The following MYO5C variants were observed in gnomAD, a reference collection of about 807,000 sequenced individuals.
The protein encoded by MYO5C is unconventional myosin-Vc.
Under a neutral mutation model 235.7 loss-of-function variants are expected in MYO5C, and 194 were observed. The observed-to-expected ratio is 0.82, with a 90% CI of 0.73 to 0.93. The LOEUF is 0.93. Among genes scored for constraint, MYO5C ranks in the 40% least tolerant of loss-of-function variants. The pLI is 0.00. For synonymous variants in MYO5C, 707 were observed against 754.8 expected (o/e 0.94, Z 1.04); for missense variants, 2,038 against 2,127.2 (o/e 0.96, Z 0.82).
chr15:52,256,531 A>G (rs2036581940), intron 11 of MYO5C, 108 bp downstream of exon 11: 1 of 778,776 alleles, frequency 1.3e-6, no homozygotes, highest in Non-Finnish European at 2.1e-6. Flanking sequence ...AAAATTTGCA[A>G]CCTCAAGAAA....
chr15:52,227,356 G>T (rs1386190721), intron 25 of MYO5C, among the ~76,000 whole-genome samples: 1 of 140,366 alleles, frequency 7.1e-6, no homozygotes, highest in Admixed American at 7.0e-5. Context: ...TACCTCGCCC[G>T]GCTAATTTTT....
rs986542057 is a variant in MYO5C at position 52,269,113 on chromosome 15, G to A, written c.940+640C>T. Among the ~76,000 whole-genome samples the A allele has an allele frequency of 2.0e-5, 3 of 152,178 alleles. No homozygotes were observed. In the East Asian group the frequency reaches 5.8e-4, roughly 29 times the overall value. Reference sequence around the variant, plus strand: ...CCTATGAAGGCCACAGAGGGCCAACGTTCCACTTCTGAACCGAATTGGACC... The same window carrying A: ...CCTATGAAGGCCACAGAGGGCCAACATTCCACTTCTGAACCGAATTGGACC... On this transcript the variant is annotated intron_variant, in intron 8 of 40. Coordinates refer to ENST00000261839, the MANE Select transcript of MYO5C (RefSeq NM_018728.4).
chr15:52,295,316 G>A (rs1383269765), intron 1 of MYO5C, among the ~76,000 whole-genome samples: 1 of 152,182 alleles, frequency 6.6e-6, no homozygotes, highest in Non-Finnish European at 1.5e-5. Flanking sequence ...GGAGGGGGCG[G>A]CCCCTCCCAC....
rs2036931235 is a variant in MYO5C, at chr15:52,271,813, T to C, written c.782A>G (p.Tyr261Cys). 3.1e-6 allele frequency: 5 copies of C among 1,587,578 alleles called. No individual in the cohort carries two copies. Among genetic ancestry groups the C allele is most frequent in the South Asian group, 2.3e-5 (2 of 87,784 alleles). Residue 261 changes from tyrosine to cysteine, a missense_variant, in exon 7 of 41, where the codon TAT becomes TGT. Physicochemically the swap from Tyr to Cys is radical, Grantham distance 194. Transcript: ENST00000261839. Reference protein sequence around the residue: ...SENERNYHIFYQLCASAQQSE... With the variant: ...SENERNYHIFCQLCASAQQSE... ...CTGCTGTGCAGATGCACAAAGCTGA[T>C]AGAAAATGTGGTAATTTCGTTCATT...
At chr15:52,259,099 C>T (rs903415956) in intron 10 of MYO5C, among the ~76,000 whole-genome samples, 6 of 152,154 alleles carry the variant, frequency 3.9e-5, no homozygotes, top group Admixed American at 3.9e-4. Context: ...AACACAGTGC[C>T]TGGGACATAA....
chr15:52,223,310 CACAG>C (rs1369489357), intron 29 of MYO5C, among the ~76,000 whole-genome samples: 6 of 152,212 alleles, frequency 3.9e-5, no homozygotes, highest in Non-Finnish European at 5.9e-5. Flanking sequence ...TACGCGCACA[CACAG>C]ACAATCACAG....
chr15:52,236,461 G>A (rs1033031412), intron 22 of MYO5C, among the ~76,000 whole-genome samples: 1 of 152,192 alleles, frequency 6.6e-6, no homozygotes, highest in African/African-American at 2.4e-5. Flanking sequence ...GATCACTGGA[G>A]GTCAGGAGTT....
intron 7 of MYO5C, among the ~76,000 whole-genome samples, chr15:52,270,424 G>A (rs1290517131): frequency 1.3e-5 from 2 of 152,088 alleles, no homozygotes; most frequent in Non-Finnish European, 2.9e-5. Flanking sequence ...CATGGTTTTT[G>A]TTCCTGCACC....
chr15:52,285,672 T>C (rs1209623156), intron 1 of MYO5C, among the ~76,000 whole-genome samples: 1 of 152,268 alleles, frequency 6.6e-6, no homozygotes, highest in Middle Eastern at 3.2e-3. Context: ...AGTTTCGCTG[T>C]GTTGGCCGGG....
At position 52,237,908 on chromosome 15, in the gene MYO5C, T is replaced by C. The variant is rs78562810; in HGVS notation, c.2704-262A>G. On this transcript the variant is annotated intron_variant, in intron 21 of 40. Transcript: ENST00000261839. ...CTGGCAAACCAGGACAACCCTAGTG[T>C]TATGAACTGTGCCCCCCGCCAAAAT... Among the ~76,000 whole-genome samples, 314 of 151,502 alleles carry C rather than the reference T, an allele frequency of 2.1e-3. 6 individuals are homozygous for C. Among genetic ancestry groups the C allele is most frequent in the East Asian group, 0.014 (71 of 5,080 alleles).
chr15:52,253,187 G>T, intron 12 of MYO5C, 130 bp downstream of exon 12: 1 of 959,006 alleles, frequency 1.0e-6, no homozygotes, highest in Non-Finnish European at 1.6e-6. Flanking sequence ...TGCTGTCCCA[G>T]CATTAATATC....
rs986107919 is a variant in MYO5C, at chr15:52,193,642, T to G, written c.*260A>C. On this transcript the variant is annotated 3_prime_UTR_variant, in exon 41 of 41. Transcript: ENST00000261839. Reference sequence around the variant, plus strand: ...GGCACGTGGAAGAAAATATGAGCCCTCCAGGAATTTCAGTGAAAACCAGCT... The same window carrying G: ...GGCACGTGGAAGAAAATATGAGCCCGCCAGGAATTTCAGTGAAAACCAGCT... 1.2e-5 allele frequency: 5 copies of G among 412,860 alleles called. No individual in the cohort carries two copies. Among genetic ancestry groups the G allele is most frequent in the African/African-American group, 1.1e-4 (5 of 47,372 alleles). 25.6% of individuals were successfully genotyped at this position (412,860 alleles called of 1,614,324 possible).
chr15:52,264,257 A>G lies in MYO5C; in HGVS notation c.980T>C (p.Leu327Pro), dbSNP rs1166069535. 8 of 1,614,118 alleles carry G rather than the reference A, an allele frequency of 5.0e-6. No homozygotes were observed. In the African/African-American group the frequency reaches 1.1e-4, roughly 22 times the overall value. ...EDFQMDVFKI[L>P]AAILHLGNVQ... The stretch of plus-strand genomic sequence containing the variant: ...ATTGCCCAGATGTAGGATGGCTGCC[A>G]GGATTTTAAAAACGTCCATCTGAAA... Residue 327 changes from leucine to proline, a missense_variant, in exon 9 of 41, where the codon CTG (leucine) becomes CCG (proline). Coordinates refer to ENST00000261839, the MANE Select transcript of MYO5C (RefSeq NM_018728.4).
rs188352676 is a variant in MYO5C, at chr15:52,194,717, C to T, written c.5076+660G>A. 2.8e-3 allele frequency among the ~76,000 whole-genome samples: 420 copies of T among 151,110 alleles called. 1 individual carries two copies. Among genetic ancestry groups the T allele is most frequent in the Middle Eastern group, 7.0e-3 (2 of 286 alleles). ...GACTTAATATATTATCATATATAAC[C>T]ATATATTATATACGCCATATTTTAA... On this transcript the variant is annotated intron_variant, in intron 40 of 40. Coordinates refer to ENST00000261839, the MANE Select transcript of MYO5C (RefSeq NM_018728.4).
rs529079020 is a variant in MYO5C, at chr15:52,278,275, G to T, written c.449+598C>A. ...CTGCCTTTTACTTGCTGCCTACCCT[G>T]GGTTGGTTATTCCCTGAAGCTGTTT... On this transcript the variant is annotated intron_variant, in intron 4 of 40. Coordinates refer to ENST00000261839, the MANE Select transcript of MYO5C (RefSeq NM_018728.4). 3.3e-5 allele frequency among the ~76,000 whole-genome samples: 5 copies of T among 152,256 alleles called. No homozygotes were observed. The South Asian group carries it at 1.0e-3, about 32-fold the overall frequency.
intron 11 of MYO5C, among the ~76,000 whole-genome samples, chr15:52,254,866 G>C (rs1018788391): frequency 1.3e-5 from 2 of 152,106 alleles, no homozygotes; most frequent in Non-Finnish European, 2.9e-5. Flanking sequence ...TTTGACTTCA[G>C]GTGAGTTATA....
Position 52,242,151 on chromosome 15 carries a change from C to T in MYO5C, c.2453G>A (p.Cys818Tyr), listed in dbSNP as rs778951391. The T allele has an allele frequency of 6.2e-7, 1 of 1,614,164 alleles. No homozygotes were observed. Among genetic ancestry groups the T allele is most frequent in the Non-Finnish European group, 8.5e-7 (1 of 1,180,004 alleles). Residue 818 changes from cysteine to tyrosine, a missense_variant, in exon 20 of 41, where the codon TGC (cysteine) becomes TAC (tyrosine). Physicochemically the swap from Cys to Tyr is radical, Grantham distance 194. Coordinates refer to ENST00000261839, the MANE Select transcript of MYO5C (RefSeq NM_018728.4). The part of the protein sequence containing the change: ...AWAAIIIQKH[C>Y]RGYLVRSLYQ... ...CAGGCTGCGAACAAGATACCCGCGG[C>T]AGTGCTTCTGAATGATTATGGCTGC... is the stretch of plus-strand genomic sequence containing the variant.
intron 17 of MYO5C, 132 bp downstream of exon 17, chr15:52,245,824 G>A: frequency 1.3e-6 from 1 of 773,126 alleles, no homozygotes; most frequent in East Asian, 2.7e-5. Flanking sequence ...CCACAGGGCA[G>A]TGGGAAAATC....
intron 4 of MYO5C, 147 bp downstream of exon 4, chr15:52,278,726 T>A: frequency 1.1e-6 from 1 of 907,856 alleles, no homozygotes; most frequent in Non-Finnish European, 1.7e-6. Context: ...TTGCTATTCA[T>A]TCCAGGTAGT....
Sources: gnomAD v4.1 joint callset for allele counts (sites outside exome capture counted in the v4.1 genomes callset) on GRCh38, gnomAD v4.1.1 for gene constraint, MANE v1.5 for transcripts, NCBI Gene and HGNC (gene_info 2026-07-23, HGNC 2026-07-21) for gene names.